NEGR1: variants seen among roughly 807,000 people sequenced by gnomAD.
NEGR1 encodes the protein IgLON family member 4.
A neutral mutation model predicts 40.9 loss-of-function variants in NEGR1; 10 were observed. That is an observed-to-expected ratio of 0.24 (90% confidence interval 0.15 to 0.42). The LOEUF is 0.42. Among genes scored for constraint, NEGR1 ranks in the 10% least tolerant of loss-of-function variants. The probability of loss-of-function intolerance (pLI) is 1.00; values close to 1 mark genes in which losing one functional copy is unlikely to be tolerated. For synonymous variants in NEGR1, 185 were observed against 166.8 expected, an observed-to-expected ratio of 1.11 and a Z score of -0.84; for missense variants, 352 against 438.9, an observed-to-expected ratio of 0.80 and a Z score of 1.77.
rs1645979214 is a variant in NEGR1 at position 71,942,822 on chromosome 1, GA to G, written c.177-7512del. ...CGGCCTAAATCTATATTTTTTAAGA[GA>G]CAAATTCTTGCTCTGTCACCCAGGC... is the stretch of plus-strand genomic sequence containing the variant. On this transcript the variant is annotated intron_variant, in intron 1 of 6. Coordinates refer to ENST00000357731, the MANE Select transcript of NEGR1 (RefSeq NM_173808.3). Among the ~76,000 whole-genome samples, 3 of 149,826 alleles carry G rather than the reference GA, an allele frequency of 2.0e-5. No homozygotes were observed. In the Admixed American group the frequency reaches 2.0e-4, roughly 10 times the overall value.
At chr1:71,786,465 A>G (rs1364832780) in intron 2 of NEGR1, among the ~76,000 whole-genome samples, 4 of 152,198 alleles carry the variant, frequency 2.6e-5, no homozygotes, top group Non-Finnish European at 5.9e-5. Flanking sequence ...AAGTATTCAA[A>G]ATAGGACACT....
At chr1:71,792,012 C>T (rs1359186508) in intron 2 of NEGR1, among the ~76,000 whole-genome samples, 5 of 151,996 alleles carry the variant, frequency 3.3e-5, no homozygotes, top group Admixed American at 2.6e-4. Context: ...TTGGTAGAAA[C>T]AAGATTAAAA....
At chr1:72,278,753 G>T (rs1656147959) in intron 1 of NEGR1, among the ~76,000 whole-genome samples, 1 of 151,798 alleles carries the variant, frequency 6.6e-6, no homozygotes, top group South Asian at 2.1e-4. Flanking sequence ...TGGAAAAAAA[G>T]TAAATGTCTC....
chr1:72,072,107 T>C (rs1380278797), intron 1 of NEGR1, among the ~76,000 whole-genome samples: 1 of 152,176 alleles, frequency 6.6e-6, no homozygotes, highest in Non-Finnish European at 1.5e-5. Context: ...ACATTCCTAT[T>C]TCTATTTTAC....
In NEGR1 at chr1:71,862,017, C is replaced by T. The variant is rs1659962797; in HGVS notation, c.409+73062G>A. ...ATTTCATTATGTGTGACAGAAGACACAATATTTCTTAATGTGTTAGAGAAT... is the reference window on the plus strand; with the variant it reads ...ATTTCATTATGTGTGACAGAAGACATAATATTTCTTAATGTGTTAGAGAAT... On this transcript the variant is annotated intron_variant, in intron 2 of 6. Coordinates refer to ENST00000357731, the MANE Select transcript of NEGR1 (RefSeq NM_173808.3). Among the ~76,000 whole-genome samples, 4 of 152,058 alleles carry T rather than the reference C, an allele frequency of 2.6e-5. No homozygotes were observed. The South Asian group carries it at 8.3e-4, about 32-fold the overall frequency.
chr1:71,817,152 C>A (rs1658253485), intron 2 of NEGR1, among the ~76,000 whole-genome samples: 1 of 152,132 alleles, frequency 6.6e-6, no homozygotes, highest in South Asian at 2.1e-4. Flanking sequence ...TCTGTGTAGA[C>A]ATGGAGATGT....
intron 1 of NEGR1, among the ~76,000 whole-genome samples, chr1:71,958,815 C>T (rs940023000): frequency 7.9e-5 from 12 of 151,848 alleles, no homozygotes; most frequent in Non-Finnish European, 1.3e-4. Flanking sequence ...ATGAGCTGGG[C>T]GTGGTGGCAG....
Position 71,401,422 on chromosome 1 carries a change from G to A in NEGR1, c.*6024C>T, listed in dbSNP as rs971771939. 4.6e-5 allele frequency: 7 copies of A among 152,086 alleles called. No individual in the cohort carries two copies. The highest frequency in any genetic ancestry group is 1.4e-4 in the African/African-American group (6 of 41,412). 9.4% of individuals were successfully genotyped at this position (152,086 alleles called of 1,614,324 possible). Reference sequence around the variant, plus strand: ...ATGAATTAATTTATTCATTTCATAAGTGTATGAAAATCACACTTTTTATGT... The same window carrying A: ...ATGAATTAATTTATTCATTTCATAAATGTATGAAAATCACACTTTTTATGT... On this transcript the variant is annotated 3_prime_UTR_variant, in exon 7 of 7. Transcript: ENST00000357731.
At chr1:71,874,880 A>C (rs978153989) in intron 2 of NEGR1, among the ~76,000 whole-genome samples, 7 of 151,970 alleles carry the variant, frequency 4.6e-5, no homozygotes, top group Non-Finnish European at 1.0e-4. Flanking sequence ...GTCTTGCTCT[A>C]TCACCCAGGC....
At chr1:71,932,721 A>C (rs918566226) in intron 2 of NEGR1, among the ~76,000 whole-genome samples, 6 of 152,090 alleles carry the variant, frequency 3.9e-5, no homozygotes, top group Admixed American at 2.6e-4. Context: ...AAGCTTCTTT[A>C]TCTTGGTGAA....
intron 2 of NEGR1, among the ~76,000 whole-genome samples, chr1:71,846,748 T>C: frequency 6.6e-6 from 1 of 152,178 alleles, no homozygotes; most frequent in East Asian, 1.9e-4. Flanking sequence ...GGTGAGGGCC[T>C]GTTCCTTATA....
chr1:72,119,327 G>C (rs139525518), intron 1 of NEGR1, among the ~76,000 whole-genome samples: 1 of 151,948 alleles, frequency 6.6e-6, no homozygotes, highest in Non-Finnish European at 1.5e-5. Flanking sequence ...AATTAGTGAT[G>C]CTTCCACTAG....
intron 2 of NEGR1, among the ~76,000 whole-genome samples, chr1:71,932,316 C>T (rs1260680989): frequency 1.3e-5 from 2 of 150,184 alleles, no homozygotes; most frequent in African/African-American, 2.4e-5. Context: ...TTGTTGTTGT[C>T]ATTTGTCTTT....
At chr1:72,137,710 A>G (rs1650522124) in intron 1 of NEGR1, among the ~76,000 whole-genome samples, 1 of 152,134 alleles carries the variant, frequency 6.6e-6, no homozygotes. Context: ...GTACCCCAGA[A>G]CTTAAACTAT....
chr1:72,076,402 C>T (rs1647735375), intron 1 of NEGR1, among the ~76,000 whole-genome samples: 1 of 152,280 alleles, frequency 6.6e-6, no homozygotes, highest in East Asian at 1.9e-4. Context: ...GCTTCCCAGC[C>T]TCCAGAACTA....
intron 1 of NEGR1, chr1:72,274,943 T>C (rs1423518102): frequency 1.3e-6 from 2 of 1,541,884 alleles, no homozygotes; most frequent in Non-Finnish European, 1.8e-6. Context: ...ATGATCTCCT[T>C]TGCGCACGAT....
chr1:71,988,306 G>A (rs1364762762), intron 1 of NEGR1, among the ~76,000 whole-genome samples: 1 of 152,102 alleles, frequency 6.6e-6, no homozygotes, highest in Non-Finnish European at 1.5e-5. Flanking sequence ...TTGGGAGGCC[G>A]AGGCGGGTGG....
chr1:72,038,576 T>C (rs1646925233), intron 1 of NEGR1, among the ~76,000 whole-genome samples: 1 of 152,022 alleles, frequency 6.6e-6, no homozygotes, highest in South Asian at 2.1e-4. Context: ...ATTTCTGTTC[T>C]AAAAACATCA....
At chr1:71,823,358 C>T (rs1226642862) in intron 2 of NEGR1, among the ~76,000 whole-genome samples, 1 of 151,904 alleles carries the variant, frequency 6.6e-6, no homozygotes, top group Admixed American at 6.6e-5. Flanking sequence ...TGCTTCATTC[C>T]ACCATATCCA....
Sources: gnomAD v4.1 joint callset for allele counts (sites outside exome capture counted in the v4.1 genomes callset) on GRCh38, gnomAD v4.1.1 for gene constraint, MANE v1.5 for transcripts, NCBI Gene and HGNC (gene_info 2026-07-23, HGNC 2026-07-21) for gene names.